Variants in CDH3 observed in about 807,000 individuals in gnomAD.
CDH3 encodes the protein cadherin-3.
A neutral mutation model predicts 82.0 loss-of-function variants in CDH3; 54 were observed. The ratio of observed to expected loss-of-function variants is 0.66; its 90% confidence interval spans 0.53 to 0.83. CDH3 has a LOEUF of 0.83. CDH3 is among the 40% of genes least tolerant of loss of function. The probability of loss-of-function intolerance (pLI) is 0.00; values close to 1 mark genes in which losing one functional copy is unlikely to be tolerated. For synonymous variants in CDH3, 446 were observed against 437.9 expected, an observed-to-expected ratio of 1.02 and a Z score of -0.23; for missense variants, 1,054 against 1,084.6, an observed-to-expected ratio of 0.97 and a Z score of 0.40.
chr16:68,686,406 C>A, intron 11 of CDH3: 2 of 1,356,114 alleles, frequency 1.5e-6, no homozygotes, highest in East Asian at 2.3e-5. Flanking sequence ...TAGAAAGTTT[C>A]TTCCACTCTT....
chr16:68,679,690 A>G (rs1032489083), intron 6 of CDH3, 109 bp from the exon 7 acceptor site: 3 of 586,454 alleles, frequency 5.1e-6, no homozygotes, highest in African/African-American at 3.1e-5. Flanking sequence ...GTGAGACTTC[A>G]TCTCAAAAAA....
intron 2 of CDH3, among the ~76,000 whole-genome samples, chr16:68,654,163 G>C (rs979822901): frequency 3.4e-5 from 5 of 147,832 alleles, no homozygotes; most frequent in Non-Finnish European, 7.5e-5. Context: ...GGATTCAAGC[G>C]ATTCTCCTGC....
rs1476505778 is a variant in CDH3, at chr16:68,707,650, AC to A, written c.99+11731del. ...TGGCCTCTCAGTGGGCTGAAAGGAGACCCCTAGGAGGCGATGGTGGAAAAGC... is the reference window on the plus strand; with the variant it reads ...TGGCCTCTCAGTGGGCTGAAAGGAGACCCTAGGAGGCGATGGTGGAAAAGC... On this transcript the variant is annotated intron_variant, in intron 1 of 2. Coordinates refer to the CDH3 transcript ENST00000569080. The surrounding 1 kb of genome is among the most constrained non-coding windows in gnomAD (Gnocchi z 4.5). Among the ~76,000 whole-genome samples, 3 of 151,584 alleles carry A rather than the reference AC, an allele frequency of 2.0e-5. No individual in the cohort carries two copies. The highest frequency in any genetic ancestry group is 2.9e-5 in the Non-Finnish European group (2 of 67,864).
the CDH3 span, among the ~76,000 whole-genome samples, chr16:68,732,690 G>A: frequency 6.6e-6 from 1 of 152,220 alleles, no homozygotes; most frequent in East Asian, 1.9e-4. Context: ...TGAGATGTTA[G>A]GAAAGCAATG....
At chr16:68,701,130 T>A (rs1222584549), downstream of CDH3, among the ~76,000 whole-genome samples, 1 of 152,126 alleles carries the variant, frequency 6.6e-6, no homozygotes, top group Non-Finnish European at 1.5e-5. Context: ...AGCCCCTGTT[T>A]AGGCTGGCCT....
downstream of CDH3, among the ~76,000 whole-genome samples, chr16:68,730,778 T>C (rs1962274213): frequency 6.6e-6 from 1 of 151,734 alleles, no homozygotes; most frequent in Admixed American, 6.6e-5. Context: ...CCCAGCACTT[T>C]GGGAGGCCAA....
intron 2 of CDH3, chr16:68,646,034 G>T: frequency 2.1e-6 from 1 of 474,180 alleles, no homozygotes; most frequent in Non-Finnish European, 3.8e-6. Context: ...CAGTCTCGAC[G>T]TGGGAAGTTC....
At chr16:68,649,401 TC>T (rs1960175359) in intron 2 of CDH3, among the ~76,000 whole-genome samples, 1 of 152,242 alleles carries the variant, frequency 6.6e-6, no homozygotes, top group Non-Finnish European at 1.5e-5. Context: ...AAGCCCCTAC[TC>T]TGGGGTATGC....
intron 1 of CDH3, among the ~76,000 whole-genome samples, chr16:68,713,769 G>A (rs951812476): frequency 1.9e-4 from 29 of 152,136 alleles, no homozygotes; most frequent in African/African-American, 6.7e-4. Flanking sequence ...CCGCTCCCCA[G>A]GTACAGACCA....
At chr16:68,715,580 G>A (rs1267962252) in intron 1 of CDH3, among the ~76,000 whole-genome samples, 1 of 152,292 alleles carries the variant, frequency 6.6e-6, no homozygotes, top group East Asian at 1.9e-4. Context: ...ACTCCAGCCT[G>A]CAGGGAGTTG....
chr16:68,676,134 C>T (rs879715297), intron 2 of CDH3, among the ~76,000 whole-genome samples: 3 of 152,128 alleles, frequency 2.0e-5, no homozygotes, highest in Non-Finnish European at 2.9e-5. Flanking sequence ...TCCTCTGGGA[C>T]CAAGAACAAA....
intron 2 of CDH3, among the ~76,000 whole-genome samples, chr16:68,675,808 G>A (rs200009527): frequency 1.3e-5 from 2 of 149,174 alleles, no homozygotes; most frequent in Non-Finnish European, 3.0e-5. Flanking sequence ...AAAAAAAAAA[G>A]AAAAGAAAAA....
chr16:68,681,658 C>G (rs561330291), intron 8 of CDH3, among the ~76,000 whole-genome samples: 51 of 152,218 alleles, frequency 3.4e-4, no homozygotes, highest in African/African-American at 1.2e-3. Flanking sequence ...GCCAATATGG[C>G]GAAACCCCGT....
intron 1 of CDH3, among the ~76,000 whole-genome samples, chr16:68,714,558 C>T (rs1249831388): frequency 6.6e-6 from 1 of 152,138 alleles, no homozygotes; most frequent in East Asian, 1.9e-4. Flanking sequence ...TGTATGAATA[C>T]ACCCAGCACA....
chr16:68,694,708 G>A (rs3785133), intron 13 of CDH3, among the ~76,000 whole-genome samples: 85,589 of 151,748 alleles, frequency 0.56, 24,427 homozygotes, highest in Middle Eastern at 0.62. Flanking sequence ...TCTTGTTCTT[G>A]AAGTCTGTGG....
At chr16:68,710,471 G>A (rs72785155) in intron 1 of CDH3, among the ~76,000 whole-genome samples, 7,247 of 152,318 alleles carry the variant, frequency 0.048, 219 homozygotes, top group Non-Finnish European at 0.069. Context: ...CATCTAATGA[G>A]TAGAGGCCAG....
intron 13 of CDH3, among the ~76,000 whole-genome samples, chr16:68,693,224 A>G (rs1961622509): frequency 1.3e-5 from 2 of 152,198 alleles, no homozygotes; most frequent in South Asian, 4.1e-4. Context: ...GAAAGTTATC[A>G]GAAGGTTTTG....
intron 13 of CDH3, among the ~76,000 whole-genome samples, chr16:68,693,887 T>C (rs937262282): frequency 6.6e-6 from 1 of 152,128 alleles, no homozygotes; most frequent in Admixed American, 6.6e-5. Flanking sequence ...GGATCCCCAG[T>C]TGGCCAGTTC....
At chr16:68,677,971 A>G (rs1328597449) in intron 3 of CDH3, among the ~76,000 whole-genome samples, 163 bp from the exon 4 acceptor site, 1 of 150,912 alleles carries the variant, frequency 6.6e-6, no homozygotes, top group Non-Finnish European at 1.5e-5. Flanking sequence ...TATCTTGCCC[A>G]GGCTGCTCTG....
Sources: allele counts gnomAD v4.1 joint callset (sites outside exome capture counted in the v4.1 genomes callset), GRCh38; gene constraint gnomAD v4.1.1; non-coding constraint Gnocchi (gnomAD v3.1); transcripts MANE v1.5; gene names NCBI Gene and HGNC (gene_info 2026-07-23, HGNC 2026-07-21).